Variants in TTC39C observed in about 807,000 individuals in gnomAD.
TTC39C encodes tetratricopeptide repeat protein 39C.
A neutral mutation model predicts 76.3 loss-of-function variants in TTC39C; 33 were observed. The observed-to-expected ratio is 0.43, with a 90% confidence interval of 0.33 to 0.58. TTC39C has a LOEUF of 0.58. Ranked by LOEUF, TTC39C falls within the 20% of genes least tolerant of loss-of-function variation. The probability of loss-of-function intolerance (pLI) is 0.04; values close to 1 mark genes in which losing one functional copy is unlikely to be tolerated. For missense variants in TTC39C, 595 were observed against 701.4 expected, an observed-to-expected ratio of 0.85 and a Z score of 1.71; for synonymous variants, 254 against 260.6, an observed-to-expected ratio of 0.97 and a Z score of 0.24.
In TTC39C at chr18:24,062,719, G is replaced by A. The variant is rs554125574; in HGVS notation, c.168-1421G>A. ...TACTAAGTAGATGAAAAAGAAAATG[G>A]CAACAGAAGGTTAATGTAAAATAGA... is the stretch of plus-strand genomic sequence containing the variant. On this transcript the variant is annotated intron_variant, in intron 1 of 13. Transcript: ENST00000317571. Among the ~76,000 whole-genome samples, 3 of 152,278 alleles carry A rather than the reference G, an allele frequency of 2.0e-5. No homozygotes were observed. The East Asian group carries it at 5.8e-4, about 29-fold the overall frequency.
chr18:24,104,688 T>TTGTGTGTG (rs10661950), intron 6 of TTC39C, among the ~76,000 whole-genome samples: 2,696 of 144,798 alleles, frequency 0.019, 34 homozygotes, highest in African/African-American at 0.034. Context: ...AGCAGGGTGT[T>TTGTGTGTG]TGTGTGTGTG....
upstream of TTC39C, among the ~76,000 whole-genome samples, chr18:24,011,099 A>C (rs2083390608): frequency 6.6e-6 from 1 of 152,208 alleles, no homozygotes; most frequent in South Asian, 2.1e-4. Flanking sequence ...CAGGAAGACA[A>C]GGGTAGGGTA....
chr18:24,036,805 T>A (rs2083738256), intron 1 of TTC39C, among the ~76,000 whole-genome samples: 1 of 151,998 alleles, frequency 6.6e-6, no homozygotes, highest in Admixed American at 6.6e-5. Context: ...CTAATTTTTG[T>A]ATATTTTTGT....
intron 1 of TTC39C, among the ~76,000 whole-genome samples, chr18:24,032,376 G>A (rs369723055): frequency 3.9e-5 from 6 of 152,122 alleles, no homozygotes; most frequent in African/African-American, 7.2e-5. Context: ...CCCCTTGACC[G>A]TCACTGCCTT....
chr18:24,054,536 A>AGGG (rs1164886789), intron 1 of TTC39C, among the ~76,000 whole-genome samples: 3 of 152,196 alleles, frequency 2.0e-5, no homozygotes, highest in African/African-American at 7.2e-5. Flanking sequence ...GCACTGAAGA[A>AGGG]GACCCCCTTG....
chr18:24,042,251 C>G (rs893132153), intron 1 of TTC39C, among the ~76,000 whole-genome samples: 1 of 151,960 alleles, frequency 6.6e-6, no homozygotes, highest in Non-Finnish European at 1.5e-5. Context: ...GTAAGCAGTC[C>G]CCAACCTTTT....
In TTC39C at chr18:24,063,074, A is replaced by G. The variant is rs535102670; in HGVS notation, c.168-1066A>G. On this transcript the variant is annotated intron_variant, in intron 1 of 13. Coordinates refer to ENST00000317571, the MANE Select transcript of TTC39C (RefSeq NM_001135993.2). ...AGTGACCATATAGTATTTGCATAATAAAAAATCAGTAAAACGATTTTCATT... is the reference window on the plus strand; with the variant it reads ...AGTGACCATATAGTATTTGCATAATGAAAAATCAGTAAAACGATTTTCATT... Among the ~76,000 whole-genome samples, 70 of 152,360 alleles carry G rather than the reference A, an allele frequency of 4.6e-4. 1 individual carries two copies. In the South Asian group the frequency reaches 9.1e-3, roughly 20 times the overall value.
At chr18:24,064,259 C>G in intron 2 of TTC39C, 71 bp downstream of exon 2, 1 of 1,546,796 alleles carries the variant, frequency 6.5e-7, no homozygotes, top group Non-Finnish European at 8.9e-7. Flanking sequence ...TTAGTGGCTA[C>G]CAGTTGTATA....
At chr18:24,099,152 G>A (rs8092607) in intron 6 of TTC39C, 49,486 of 149,252 alleles carry the variant, frequency 0.33, 8,840 homozygotes, top group South Asian at 0.5. Flanking sequence ...GTATGTGTGT[G>A]TCTTAGTTTG....
intron 6 of TTC39C, among the ~76,000 whole-genome samples, chr18:24,094,153 C>G (rs2084561021): frequency 2.0e-5 from 3 of 152,176 alleles, no homozygotes; most frequent in Admixed American, 2.0e-4. Flanking sequence ...GCATCTTCAC[C>G]AGGAGATGCC....
chr18:24,052,309 G>A (rs2083960642), intron 1 of TTC39C, among the ~76,000 whole-genome samples: 1 of 152,212 alleles, frequency 6.6e-6, no homozygotes, highest in Non-Finnish European at 1.5e-5. Flanking sequence ...GCTCTCTGAA[G>A]AGCGGGCGTA....
chr18:24,051,975 G>A lies in TTC39C; in HGVS notation c.168-12165G>A, dbSNP rs191851940. ...CAGAGATGGGGTCCCCACTCTTGGGGACTTCCATTTATTCAAACAAACAAA... is the reference window on the plus strand; with the variant it reads ...CAGAGATGGGGTCCCCACTCTTGGGAACTTCCATTTATTCAAACAAACAAA... On this transcript the variant is annotated intron_variant, in intron 1 of 13. Transcript: ENST00000317571. Among the ~76,000 whole-genome samples the A allele has an allele frequency of 2.0e-5, 3 of 152,266 alleles. No homozygotes were observed. The East Asian group carries it at 5.8e-4, about 29-fold the overall frequency.
rs376860484 is a variant in TTC39C, at chr18:24,128,876, T to C, written c.1421-10T>C. The C allele has an allele frequency of 3.1e-6, 5 of 1,611,496 alleles. No individual in the cohort carries two copies. The highest frequency in any genetic ancestry group is 4.2e-6 in the Non-Finnish European group (5 of 1,178,910). Reference sequence around the variant, plus strand: ...TGCTTACTGCTCTGTTCACTCCCCTTCTTTTTAAGCTTGCCATGAAGTGGA... The same window carrying C: ...TGCTTACTGCTCTGTTCACTCCCCTCCTTTTTAAGCTTGCCATGAAGTGGA... On this transcript the variant is annotated splice_polypyrimidine_tract_variant and intron_variant, in intron 10 of 13. Coordinates refer to ENST00000317571, the MANE Select transcript of TTC39C (RefSeq NM_001135993.2).
chr18:24,011,544 A>G (rs1389274828), upstream of TTC39C, among the ~76,000 whole-genome samples: 1 of 152,210 alleles, frequency 6.6e-6, no homozygotes. Flanking sequence ...AGCCAGGGAT[A>G]CAGCCTCATT....
At chr18:24,132,277 A>G (rs2085140161) in intron 13 of TTC39C, among the ~76,000 whole-genome samples, 1 of 152,236 alleles carries the variant, frequency 6.6e-6, no homozygotes, top group Admixed American at 6.5e-5. Context: ...TTGTCCAAAG[A>G]GAACCTTATT....
At chr18:24,132,319 C>T (rs2085140421) in intron 13 of TTC39C, among the ~76,000 whole-genome samples, 166 bp from the exon 14 acceptor site, 1 of 152,066 alleles carries the variant, frequency 6.6e-6, no homozygotes, top group African/African-American at 2.4e-5. Flanking sequence ...AAAATGAATA[C>T]AAAGTTTGAG....
intron 1 of TTC39C, among the ~76,000 whole-genome samples, chr18:24,028,906 A>C (rs533719000): frequency 6.6e-6 from 1 of 151,952 alleles, no homozygotes; most frequent in Admixed American, 6.6e-5. Context: ...TATTTTTAGT[A>C]GAGACGGGGT....
intron 1 of TTC39C, chr18:24,015,280 G>C: frequency 2.6e-6 from 1 of 389,608 alleles, no homozygotes; most frequent in Non-Finnish European, 4.6e-6. Flanking sequence ...CGCCCGCCCC[G>C]CGCGCCCGCA....
At chr18:24,077,371 C>G (rs2084320281) in intron 4 of TTC39C, 1 of 152,142 alleles carries the variant, frequency 6.6e-6, no homozygotes, top group Non-Finnish European at 1.5e-5. Context: ...TTTGCACTCT[C>G]TAATTTATTT....
Sources: allele counts gnomAD v4.1 joint callset (sites outside exome capture counted in the v4.1 genomes callset), GRCh38; gene constraint gnomAD v4.1.1; transcripts MANE v1.5; gene names NCBI Gene and HGNC (gene_info 2026-07-23, HGNC 2026-07-21).